Variants in ALDH1A1 observed in about 807,000 individuals in gnomAD.
ALDH1A1 encodes aldehyde dehydrogenase 1 family member A1, also known as aldehyde dehydrogenase 1A1.
Under a neutral mutation model 62.1 loss-of-function variants are expected in ALDH1A1, and 19 were observed. That is an observed-to-expected ratio of 0.31 (90% CI 0.21 to 0.45). The LOEUF (loss-of-function observed/expected upper bound fraction) is 0.45, where lower values mean the gene tolerates loss of function less well. Among genes scored for constraint, ALDH1A1 ranks in the 20% least tolerant of loss-of-function variants. The pLI is 1.00. For synonymous variants in ALDH1A1, 231 were observed against 215.9 expected (o/e 1.07, Z -0.61); for missense variants, 521 against 607.1 (o/e 0.86, Z 1.49).
At chr9:72,907,568 C>A (rs955759421) in intron 11 of ALDH1A1, among the ~76,000 whole-genome samples, 12 of 152,146 alleles carry the variant, frequency 7.9e-5, no homozygotes, top group Admixed American at 5.9e-4. Flanking sequence ...TAAATTTGCT[C>A]ATTTTACTGT....
At chr9:72,920,738 T>C (rs942997864) in intron 7 of ALDH1A1, among the ~76,000 whole-genome samples, 2 of 152,232 alleles carry the variant, frequency 1.3e-5, no homozygotes, top group African/African-American at 4.8e-5. Context: ...TTAATTTTTG[T>C]CTCATGATTT....
intron 8 of ALDH1A1, among the ~76,000 whole-genome samples, chr9:72,917,617 C>T (rs1251673680): frequency 6.6e-6 from 1 of 152,066 alleles, no homozygotes; most frequent in Non-Finnish European, 1.5e-5. Flanking sequence ...AACACTAATA[C>T]TCAGAATCAC....
chr9:72,926,138 C>G (rs1331292440), intron 5 of ALDH1A1, among the ~76,000 whole-genome samples: 3 of 152,186 alleles, frequency 2.0e-5, no homozygotes, highest in Non-Finnish European at 4.4e-5. Flanking sequence ...TACGTGCTCT[C>G]TGTATCTGAT....
intron 12 of ALDH1A1, among the ~76,000 whole-genome samples, chr9:72,902,797 T>C (rs1369627621): frequency 6.6e-6 from 1 of 152,036 alleles, no homozygotes; most frequent in African/African-American, 2.4e-5. Flanking sequence ...TCTTACTATG[T>C]CTGTGAGTTA....
chr9:72,946,675 C>G (rs887729182), intron 1 of ALDH1A1, among the ~76,000 whole-genome samples: 1 of 151,900 alleles, frequency 6.6e-6, no homozygotes, highest in African/African-American at 2.4e-5. Flanking sequence ...GTCACTTACA[C>G]TTTGTAAACA....
At chr9:72,910,045 A>G (rs113089395) in intron 10 of ALDH1A1, among the ~76,000 whole-genome samples, 1 of 152,318 alleles carries the variant, frequency 6.6e-6, no homozygotes, top group African/African-American at 2.4e-5. Flanking sequence ...ATGATTGTGC[A>G]ACAAATCATT....
intron 9 of ALDH1A1, 100 bp from the exon 10 acceptor site, chr9:72,912,222 G>A: frequency 1.1e-6 from 1 of 912,166 alleles, no homozygotes; most frequent in Non-Finnish European, 1.6e-6. Flanking sequence ...CTAAAATATT[G>A]CAATTAAACC....
chr9:72,934,632 T>C (rs2118554686), intron 2 of ALDH1A1, among the ~76,000 whole-genome samples: 1 of 152,288 alleles, frequency 6.6e-6, no homozygotes, highest in Non-Finnish European at 1.5e-5. Flanking sequence ...CTAAATCCTA[T>C]ATATACTTTA....
chr9:72,944,408 A>T (rs1222229446), intron 1 of ALDH1A1, among the ~76,000 whole-genome samples: 1 of 152,092 alleles, frequency 6.6e-6, no homozygotes, highest in Non-Finnish European at 1.5e-5. Flanking sequence ...TTAGAAGGCC[A>T]GGTATTGCCC....
intron 8 of ALDH1A1, among the ~76,000 whole-genome samples, chr9:72,918,513 G>T (rs1830092322): frequency 6.6e-6 from 1 of 151,010 alleles, no homozygotes; most frequent in African/African-American, 2.4e-5. Flanking sequence ...AAACGAGGAA[G>T]AAATTGTGTC....
At chr9:72,912,477 G>A (rs547626088) in intron 9 of ALDH1A1, among the ~76,000 whole-genome samples, 36 of 152,194 alleles carry the variant, frequency 2.4e-4, no homozygotes, top group Non-Finnish European at 2.5e-4. Flanking sequence ...CTATTGTCCC[G>A]GCTGAAATGA....
intron 2 of ALDH1A1, 72 bp downstream of exon 2, chr9:72,940,076 G>C: frequency 8.9e-7 from 1 of 1,118,514 alleles, no homozygotes; most frequent in Non-Finnish European, 1.4e-6. Flanking sequence ...GCTTGCAATG[G>C]GGTTCAGGAG....
At chr9:72,922,607 GAA>G (rs200678842) in intron 7 of ALDH1A1, among the ~76,000 whole-genome samples, 3 of 150,928 alleles carry the variant, frequency 2.0e-5, no homozygotes, top group East Asian at 3.9e-4. Context: ...TGATGAGAAT[GAA>G]AAAAAAATGT....
At chr9:72,909,510 C>T in intron 11 of ALDH1A1, 92 bp downstream of exon 11, 1 of 1,273,982 alleles carries the variant, frequency 7.8e-7, no homozygotes, top group Non-Finnish European at 1.1e-6. Flanking sequence ...TAGGTAATTC[C>T]AAATGAAAAA....
At chr9:72,931,050 G>C in intron 2 of ALDH1A1, 31 bp from the exon 3 acceptor site, 1 of 1,613,412 alleles carries the variant, frequency 6.2e-7, no homozygotes, top group Non-Finnish European at 8.5e-7. Flanking sequence ...AATTCAGTAA[G>C]CTAAACATAT....
chr9:72,950,782 G>T (rs549854596), intron 1 of ALDH1A1, among the ~76,000 whole-genome samples: 2 of 151,912 alleles, frequency 1.3e-5, no homozygotes, highest in South Asian at 4.1e-4. Context: ...GCTGGTAATA[G>T]AAGATAATTC....
chr9:72,907,845 T>C (rs1829894357), intron 11 of ALDH1A1, among the ~76,000 whole-genome samples: 1 of 152,214 alleles, frequency 6.6e-6, no homozygotes, highest in South Asian at 2.1e-4. Flanking sequence ...TTATTAATGC[T>C]TTTATCATAG....
intron 2 of ALDH1A1, 22 bp from the exon 3 acceptor site, chr9:72,931,041 A>T: frequency 6.2e-7 from 1 of 1,613,746 alleles, no homozygotes; most frequent in South Asian, 1.1e-5. Context: ...CAGGAATTCA[A>T]TTCAGTAAGC....
At chr9:72,916,004 C>T (rs1204512344) in intron 9 of ALDH1A1, among the ~76,000 whole-genome samples, 6 of 152,136 alleles carry the variant, frequency 3.9e-5, no homozygotes, top group Non-Finnish European at 5.9e-5. Flanking sequence ...CAGGATTTCT[C>T]GGCAGTTGTC....
Sources: gnomAD v4.1 joint callset for allele counts (sites outside exome capture counted in the v4.1 genomes callset) on GRCh38, gnomAD v4.1.1 for gene constraint, MANE v1.5 for transcripts, NCBI Gene and HGNC (gene_info 2026-07-23, HGNC 2026-07-21) for gene names.